GALNT13: variants seen among roughly 807,000 people sequenced by gnomAD.
The protein encoded by GALNT13 is polypeptide N-acetylgalactosaminyltransferase 13, also known as UDP-GalNAc:polypeptide N-acetylgalactosaminyltransferase 13.
Under a neutral mutation model 64.2 loss-of-function variants are expected in GALNT13, and 28 were observed. The observed-to-expected ratio is 0.44, with a 90% CI of 0.32 to 0.60. GALNT13 has a LOEUF of 0.60. Among genes scored for constraint, GALNT13 ranks in the 20% least tolerant of loss-of-function variants. The pLI is 0.05. For missense variants in GALNT13, 577 were observed against 669.8 expected (o/e 0.86, Z 1.53); for synonymous variants, 214 against 224.6 (o/e 0.95, Z 0.42).
At chr2:153,732,716 T>C in the GALNT13 span, among the ~76,000 whole-genome samples, 7 of 152,082 alleles carry the variant, frequency 4.6e-5, no homozygotes, top group African/African-American at 1.7e-4. Flanking sequence ...GAAACTATGA[T>C]TGCTTATCCA....
chr2:154,128,873 T>G (rs1682451271), intron 3 of GALNT13, among the ~76,000 whole-genome samples: 1 of 152,140 alleles, frequency 6.6e-6, no homozygotes, highest in Non-Finnish European at 1.5e-5. Context: ...AAGTAATCAT[T>G]TAGGTCATAA....
chr2:153,431,635 C>T, the GALNT13 span, among the ~76,000 whole-genome samples: 2 of 152,196 alleles, frequency 1.3e-5, no homozygotes, highest in African/African-American at 4.8e-5. Flanking sequence ...TTTTGCCTCA[C>T]AGGAGAGCTC....
At chr2:154,004,833 A>T (rs527700801) in intron 3 of GALNT13, among the ~76,000 whole-genome samples, 9 of 152,320 alleles carry the variant, frequency 5.9e-5, no homozygotes, top group Admixed American at 1.3e-4. Flanking sequence ...ACACAATGCT[A>T]AACAAACAAA....
chr2:154,102,797 A>G (rs1436299330), intron 3 of GALNT13, among the ~76,000 whole-genome samples: 4 of 152,186 alleles, frequency 2.6e-5, no homozygotes, highest in Non-Finnish European at 5.9e-5. Flanking sequence ...TATTTGTTTT[A>G]TGAATCTGAG....
chr2:154,448,249 G>A (rs2105501977), intron 12 of GALNT13, among the ~76,000 whole-genome samples: 1 of 152,138 alleles, frequency 6.6e-6, no homozygotes, highest in Non-Finnish European at 1.5e-5. Flanking sequence ...TGCAGATGCA[G>A]TTTATCAATC....
the GALNT13 span, among the ~76,000 whole-genome samples, chr2:153,336,966 A>AC: frequency 1.3e-5 from 2 of 152,078 alleles, no homozygotes; most frequent in African/African-American, 2.4e-5. Flanking sequence ...AGGGGTTTCC[A>AC]CTTTTGTTTC....
chr2:153,992,876 T>C (rs1279185699), intron 3 of GALNT13, among the ~76,000 whole-genome samples: 2 of 152,238 alleles, frequency 1.3e-5, no homozygotes, highest in African/African-American at 2.4e-5. Flanking sequence ...TTTTTATTGA[T>C]GCTTATAGAA....
chr2:153,255,298 CT>C, the GALNT13 span, among the ~76,000 whole-genome samples: 6 of 140,314 alleles, frequency 4.3e-5, no homozygotes, highest in South Asian at 7.0e-4. Flanking sequence ...CAACCCCTGC[CT>C]TTTTTTGTTT....
In GALNT13 at chr2:154,393,749, A is replaced by G. The variant is rs116956938; in HGVS notation, c.1157-2242A>G. ...CATTAGCCACTTTTTGCCAAATCTGAAGTGGACAATTAATGTTTTCTCTGA... is the reference window on the plus strand; with the variant it reads ...CATTAGCCACTTTTTGCCAAATCTGGAGTGGACAATTAATGTTTTCTCTGA... On this transcript the variant is annotated intron_variant, in intron 9 of 12. Transcript: ENST00000392825. 2.0e-3 allele frequency among the ~76,000 whole-genome samples: 297 copies of G among 152,270 alleles called. 8 individuals are homozygous for G. The East Asian group carries it at 0.046, about 23-fold the overall frequency.
chr2:153,582,524 A>T, the GALNT13 span, among the ~76,000 whole-genome samples: 1 of 152,136 alleles, frequency 6.6e-6, no homozygotes, highest in Non-Finnish European at 1.5e-5. Context: ...TGGCCAAAAG[A>T]TATATATCTC....
chr2:153,183,531 T>G, the GALNT13 span, among the ~76,000 whole-genome samples: 1 of 152,246 alleles, frequency 6.6e-6, no homozygotes, highest in Admixed American at 6.5e-5. Flanking sequence ...ATTTTCATAA[T>G]GAAATCTTTG....
At chr2:153,649,219 C>G in the GALNT13 span, among the ~76,000 whole-genome samples, 33 of 152,152 alleles carry the variant, frequency 2.2e-4, no homozygotes, top group Non-Finnish European at 4.0e-4. Context: ...AGGAATTTAT[C>G]CATTTCTTCT....
the GALNT13 span, among the ~76,000 whole-genome samples, chr2:153,463,491 T>C: frequency 2.6e-5 from 4 of 152,060 alleles, no homozygotes; most frequent in East Asian, 1.9e-4. Flanking sequence ...CTTGCGCCTA[T>C]AGCCAAACAA....
chr2:153,828,203 T>C, the GALNT13 span, among the ~76,000 whole-genome samples: 2 of 152,180 alleles, frequency 1.3e-5, no homozygotes, highest in African/African-American at 2.4e-5. Flanking sequence ...CCTTCTGGGG[T>C]CTGGAGAATG....
At chr2:153,633,206 T>C in the GALNT13 span, among the ~76,000 whole-genome samples, 1 of 152,178 alleles carries the variant, frequency 6.6e-6, no homozygotes, top group South Asian at 2.1e-4. Flanking sequence ...ACCTTTAATT[T>C]CCAACATATA....
At chr2:153,940,920 T>G (rs2105377001) in intron 2 of GALNT13, among the ~76,000 whole-genome samples, 1 of 152,170 alleles carries the variant, frequency 6.6e-6, no homozygotes, top group Admixed American at 6.5e-5. Flanking sequence ...TAAAATAGAT[T>G]CCCTAAGTAA....
intron 9 of GALNT13, among the ~76,000 whole-genome samples, chr2:154,331,357 G>C (rs1368455426): frequency 1.3e-5 from 2 of 152,018 alleles, no homozygotes; most frequent in East Asian, 3.9e-4. Flanking sequence ...CTGGTTTGGA[G>C]TGTGGTAGAA....
the GALNT13 span, among the ~76,000 whole-genome samples, chr2:153,403,858 C>T: frequency 1.3e-5 from 2 of 152,302 alleles, no homozygotes; most frequent in South Asian, 4.1e-4. Context: ...AACCCGGTAC[C>T]TCAGATGGAA....
At chr2:154,411,212 A>C (rs1001521320) in intron 11 of GALNT13, among the ~76,000 whole-genome samples, 1 of 151,838 alleles carries the variant, frequency 6.6e-6, no homozygotes, top group Non-Finnish European at 1.5e-5. Flanking sequence ...AATAATAAGC[A>C]TAAAATCTAT....
Sources: gnomAD v4.1 joint callset for allele counts (sites outside exome capture counted in the v4.1 genomes callset) on GRCh38, gnomAD v4.1.1 for gene constraint, MANE v1.5 for transcripts, NCBI Gene and HGNC (gene_info 2026-07-23, HGNC 2026-07-21) for gene names.